FAF1: variants seen among roughly 807,000 people sequenced by gnomAD.
FAF1 encodes FAS-associated factor 1.
In FAF1, 25 loss-of-function variants were observed where a neutral mutation model predicts 92.5. That is an observed-to-expected ratio of 0.27 (90% CI 0.20 to 0.38). The LOEUF is 0.38. Among genes scored for constraint, FAF1 ranks in the 10% least tolerant of loss-of-function variants. The probability of loss-of-function intolerance (pLI) is 1.00; values close to 1 mark genes in which losing one functional copy is unlikely to be tolerated. For missense variants in FAF1, 636 were observed against 793.3 expected, an observed-to-expected ratio of 0.80 and a Z score of 2.38; for synonymous variants, 234 against 273.2, an observed-to-expected ratio of 0.86 and a Z score of 1.42.
intron 1 of FAF1, among the ~76,000 whole-genome samples, chr1:50,884,882 G>T (rs1444380804): frequency 6.6e-6 from 1 of 152,104 alleles, no homozygotes; most frequent in Non-Finnish European, 1.5e-5. Context: ...GAATTTAGCA[G>T]TTGAGACCAT....
Position 50,627,362 on chromosome 1 carries a change from G to A in FAF1, c.744+28080C>T, listed in dbSNP as rs556598034. Among the ~76,000 whole-genome samples the A allele has an allele frequency of 5.3e-5, 8 of 152,188 alleles. No homozygotes were observed. In the South Asian group the frequency reaches 1.2e-3, roughly 24 times the overall value. On this transcript the variant is annotated intron_variant, in intron 8 of 18. Transcript: ENST00000396153. ...GCCAAATGAAAAAGCGTCTCAGGAA[G>A]GAGTTTTCAACAGGTTCAAATGCTC...
intron 2 of FAF1, among the ~76,000 whole-genome samples, chr1:50,839,707 T>C (rs970311192): frequency 1.3e-5 from 2 of 152,002 alleles, no homozygotes; most frequent in African/African-American, 4.8e-5. Context: ...GGACAAAAAC[T>C]AGTAATTGAA....
At chr1:50,746,214 G>A (rs868071704) in intron 4 of FAF1, among the ~76,000 whole-genome samples, 32 of 129,374 alleles carry the variant, frequency 2.5e-4, no homozygotes, top group African/African-American at 7.1e-4. Context: ...CCCTACGCTC[G>A]TATGTGTGAG....
At chr1:50,617,083 A>G (rs1484354045) in intron 8 of FAF1, among the ~76,000 whole-genome samples, 2 of 152,230 alleles carry the variant, frequency 1.3e-5, no homozygotes, top group African/African-American at 4.8e-5. Flanking sequence ...TCATATCATC[A>G]GCAAAGAGAT....
At chr1:50,805,023 TACTA>T (rs1045618822) in intron 2 of FAF1, among the ~76,000 whole-genome samples, 34 of 152,338 alleles carry the variant, frequency 2.2e-4, no homozygotes, top group African/African-American at 5.3e-4. Context: ...ACTTGCTAAA[TACTA>T]ACTATCTCAT....
chr1:50,816,630 GTTGT>G (rs1252708944), intron 2 of FAF1, among the ~76,000 whole-genome samples: 2 of 152,128 alleles, frequency 1.3e-5, no homozygotes. Flanking sequence ...CATTCTGTAG[GTTGT>G]TTGTTTACTA....
intron 13 of FAF1, among the ~76,000 whole-genome samples, chr1:50,561,840 C>CGGAT (rs1357926907): frequency 8.0e-6 from 1 of 124,954 alleles, no homozygotes; most frequent in African/African-American, 3.0e-5. Flanking sequence ...GACGGATGGA[C>CGGAT]GGATGGACGG....
At chr1:50,847,864 A>C (rs1224245068) in intron 2 of FAF1, among the ~76,000 whole-genome samples, 1 of 151,898 alleles carries the variant, frequency 6.6e-6, no homozygotes, top group Non-Finnish European at 1.5e-5. Context: ...AGGCTTTAGA[A>C]ACACACAAAC....
rs76176490 is a variant in FAF1 at position 50,517,793 on chromosome 1, G to A, written c.1494+17576C>T. Among the ~76,000 whole-genome samples the A allele has an allele frequency of 8.5e-3, 1,293 of 152,102 alleles. 11 individuals carry two copies. Among genetic ancestry groups the A allele is most frequent in the Non-Finnish European group, 0.012 (837 of 68,008 alleles). On this transcript the variant is annotated intron_variant, in intron 15 of 18. Coordinates refer to ENST00000396153, the MANE Select transcript of FAF1 (RefSeq NM_007051.3). Reference sequence around the variant, plus strand: ...TTACAGTTTCCTTTTCTATAAAATGGGTATAATAAAACCTGCCTTACAGAT... The same window carrying A: ...TTACAGTTTCCTTTTCTATAAAATGAGTATAATAAAACCTGCCTTACAGAT...
chr1:50,777,977 T>C (rs1661026157), intron 4 of FAF1, among the ~76,000 whole-genome samples: 1 of 152,166 alleles, frequency 6.6e-6, no homozygotes, highest in Non-Finnish European at 1.5e-5. Context: ...AAGAAGAATG[T>C]TTATGTATGC....
At chr1:50,658,584 C>T (rs572168982) in intron 7 of FAF1, among the ~76,000 whole-genome samples, 6 of 152,318 alleles carry the variant, frequency 3.9e-5, no homozygotes, top group South Asian at 2.1e-4. Flanking sequence ...TTAAGCACAA[C>T]GCCAGACTGA....
intron 8 of FAF1, among the ~76,000 whole-genome samples, chr1:50,620,391 A>C (rs184202168): frequency 1.3e-5 from 2 of 152,286 alleles, no homozygotes; most frequent in African/African-American, 4.8e-5. Flanking sequence ...TCTTGTAGTA[A>C]ACTTAGCAGC....
At chr1:50,540,581 T>C (rs1236400669) in intron 13 of FAF1, among the ~76,000 whole-genome samples, 1 of 152,218 alleles carries the variant, frequency 6.6e-6, no homozygotes, top group African/African-American at 2.4e-5. Context: ...TACTGAAGTC[T>C]AGCATTAGTA....
intron 1 of FAF1, among the ~76,000 whole-genome samples, chr1:50,945,784 G>T (rs1454904217): frequency 1.3e-5 from 2 of 152,226 alleles, no homozygotes; most frequent in Non-Finnish European, 2.9e-5. Flanking sequence ...ACAGGCAAAG[G>T]TCCGTAGAAA....
intron 1 of FAF1, among the ~76,000 whole-genome samples, chr1:50,871,747 T>A (rs992765012): frequency 2.0e-5 from 3 of 152,206 alleles, no homozygotes; most frequent in Non-Finnish European, 4.4e-5. Context: ...CAAAGTTGTT[T>A]TTCTGGCTGC....
At position 50,567,116 on chromosome 1, in the gene FAF1, G is replaced by A. The variant is rs371190715; in HGVS notation, c.1229C>T (p.Thr410Ile). 18 of 1,609,406 alleles carry A rather than the reference G, an allele frequency of 1.1e-5. No homozygotes were observed. The African/African-American group carries it at 1.5e-4, about 13-fold the overall frequency. Residue 410 changes from threonine (T) to isoleucine (I), a missense_variant, in exon 13 of 19, where the codon ACC becomes ATC. Coordinates refer to ENST00000396153, the MANE Select transcript of FAF1 (RefSeq NM_007051.3). Reference sequence around the variant, plus strand: ...GTCCTTTGTCAGATCCCAAGCCCAGGTTATAAAATTTTGACTCAGATAAGA... The same window carrying A: ...GTCCTTTGTCAGATCCCAAGCCCAGATTATAAAATTTTGACTCAGATAAGA... ...IVSYLSQNFI[T>I]WAWDLTKDSN... is the part of the protein sequence containing the mutation.
At chr1:50,730,899 A>G (rs1658888480) in intron 6 of FAF1, among the ~76,000 whole-genome samples, 1 of 152,218 alleles carries the variant, frequency 6.6e-6, no homozygotes, top group South Asian at 2.1e-4. Context: ...ACACAGGGAC[A>G]GAGGACTACC....
chr1:50,595,100 G>A (rs910078498), intron 9 of FAF1, among the ~76,000 whole-genome samples: 11 of 151,424 alleles, frequency 7.3e-5, no homozygotes, highest in Non-Finnish European at 1.3e-4. Context: ...TGTTGCCCAG[G>A]CTGGAGTGCA....
At chr1:50,827,684 T>C (rs1043037539) in intron 2 of FAF1, among the ~76,000 whole-genome samples, 1 of 151,962 alleles carries the variant, frequency 6.6e-6, no homozygotes, top group Non-Finnish European at 1.5e-5. Flanking sequence ...GCTTCACTAA[T>C]GAATTCCACC....
Sources: allele counts gnomAD v4.1 joint callset (sites outside exome capture counted in the v4.1 genomes callset), GRCh38; gene constraint gnomAD v4.1.1; transcripts MANE v1.5; gene names NCBI Gene and HGNC (gene_info 2026-07-23, HGNC 2026-07-21).